Variants in AEN observed in about 807,000 individuals in gnomAD.
AEN encodes the protein apoptosis enhancing nuclease.
In AEN, 21 loss-of-function variants were observed where a neutral mutation model predicts 17.7. That is an observed-to-expected ratio of 1.19 (90% CI 0.84 to 1.71). AEN has a LOEUF of 1.71. Ranked by LOEUF, AEN falls within the 40% of genes most tolerant of loss-of-function variation. AEN has a pLI of 0.00. For synonymous variants in AEN, 190 were observed against 173.0 expected, an observed-to-expected ratio of 1.10 and a Z score of -0.77; for missense variants, 462 against 435.9, an observed-to-expected ratio of 1.06 and a Z score of -0.53.
At chr15:88,627,881 C>T (rs1463378395) in intron 2 of AEN, 1 of 152,202 alleles carries the variant, frequency 6.6e-6, no homozygotes, top group Admixed American at 6.5e-5. Context: ...ATTTTCTAAA[C>T]AAGCCTTGTA....
chr15:88,606,969 A>AT, the AEN span, among the ~76,000 whole-genome samples: 1 of 151,602 alleles, frequency 6.6e-6, no homozygotes, highest in Admixed American at 6.6e-5. Context: ...AAAATGAGAA[A>AT]AAAAAATTGC....
the AEN span, among the ~76,000 whole-genome samples, chr15:88,606,161 G>A: frequency 7.2e-4 from 110 of 152,320 alleles, no homozygotes; most frequent in Non-Finnish European, 1.3e-3. Flanking sequence ...CCAGGCTCTG[G>A]TGTTCCGTGA....
upstream of AEN, among the ~76,000 whole-genome samples, chr15:88,617,376 C>A (rs1326674268): frequency 1.3e-5 from 2 of 152,148 alleles, no homozygotes; most frequent in African/African-American, 4.8e-5. Flanking sequence ...GCCTCAGCCT[C>A]CTGAGTAGCT....
chr15:88,630,148 G>T lies in AEN; in HGVS notation c.832G>T (p.Ala278Ser). The part of the protein sequence containing the change: ...LVEVQWEQQE[A>S]RSLWTCPEDR... ...GGAGGTGCAGTGGGAACAGCAGGAGGCCCGCAGCCTCTGGACCTGCCCCGA... is the reference window on the plus strand; with the variant it reads ...GGAGGTGCAGTGGGAACAGCAGGAGTCCCGCAGCCTCTGGACCTGCCCCGA... Residue 278 changes from alanine to serine, a missense_variant, in exon 4 of 4, where the codon GCC becomes TCC. By Grantham distance (99) the Ala-to-Ser change is moderately conservative. Coordinates refer to ENST00000332810, the MANE Select transcript of AEN (RefSeq NM_022767.4). The surrounding 1 kb of genome is among the most constrained non-coding windows in gnomAD (Gnocchi z 5.1). 6.2e-7 allele frequency: 1 copy of T among 1,613,740 alleles called. No homozygotes were observed. Among genetic ancestry groups the T allele is most frequent in the South Asian group, 1.1e-5 (1 of 91,078 alleles).
Position 88,630,012 on chromosome 15 carries a change from C to G in AEN, c.742-46C>G, listed in dbSNP as rs199529783. 1.9e-6 allele frequency: 3 copies of G among 1,592,984 alleles called. No homozygotes were observed. The East Asian group carries it at 6.7e-5, about 36-fold the overall frequency. ...GGCCTTGCTTCTTGGGGTAACAGGC[C>G]TCTCACTAGGCCTGCAGGCAGTGAT... On this transcript the variant is annotated intron_variant, in intron 3 of 3. Transcript: ENST00000332810. The surrounding 1 kb of genome is among the most constrained non-coding windows in gnomAD (Gnocchi z 5.1).
intron 2 of AEN, chr15:88,627,061 T>G (rs1230623846): frequency 9.1e-6 from 3 of 330,342 alleles, no homozygotes; most frequent in African/African-American, 2.1e-5. Flanking sequence ...ATATAAAATT[T>G]GTAAAGCCCA....
chr15:88,629,789 G>C (rs1386175147), intron 3 of AEN, among the ~76,000 whole-genome samples: 1 of 152,168 alleles, frequency 6.6e-6, no homozygotes, highest in Non-Finnish European at 1.5e-5. Flanking sequence ...TCTTGCTCCT[G>C]TTGGGCTTCA....
chr15:88,611,359 G>A, the AEN span, among the ~76,000 whole-genome samples: 1 of 151,442 alleles, frequency 6.6e-6, no homozygotes, highest in Non-Finnish European at 1.5e-5. Context: ...ACTTTGAGAG[G>A]CTGAGGCAGG....
chr15:88,625,127 T>C (rs777334097), intron 1 of AEN, among the ~76,000 whole-genome samples: 8 of 152,154 alleles, frequency 5.3e-5, no homozygotes, highest in Admixed American at 1.3e-4. Flanking sequence ...GTCCGCTGGG[T>C]GGGAGCCCAT....
chr15:88,625,415 G>A (rs1330315321), intron 1 of AEN, among the ~76,000 whole-genome samples: 1 of 152,152 alleles, frequency 6.6e-6, no homozygotes, highest in Non-Finnish European at 1.5e-5. Flanking sequence ...CTACCCAGGA[G>A]GCTGAGGTGG....
At chr15:88,611,006 C>A in the AEN span, among the ~76,000 whole-genome samples, 1 of 152,158 alleles carries the variant, frequency 6.6e-6, no homozygotes, top group Admixed American at 6.5e-5. Flanking sequence ...CAGGATTCCA[C>A]CAGCCTCCTG....
At chr15:88,616,280 G>A in the AEN span, among the ~76,000 whole-genome samples, 1 of 152,250 alleles carries the variant, frequency 6.6e-6, no homozygotes, top group African/African-American at 2.4e-5. Flanking sequence ...TTTTAGTAGA[G>A]ATGGAGTTTC....
rs779634767 is a variant in AEN, at chr15:88,626,417, G to A, written c.208G>A (p.Ala70Thr). 5 of 1,612,816 alleles carry A rather than the reference G, an allele frequency of 3.1e-6. No homozygotes were observed. The highest frequency in any genetic ancestry group is 1.7e-5 in the Admixed American group (1 of 59,846). The change falls in exon 2 of 4, where the codon GCA becomes ACA. Residue 70 changes from alanine to threonine, a missense_variant. Ala to Thr is a moderately conservative substitution (Grantham distance 58). Transcript: ENST00000332810. ...GSSPLPTPFGAATATEAASSG... is the reference protein window; with the variant it reads ...GSSPLPTPFGTATATEAASSG... ...CTCCCCACTGCCCACCCCTTTCGGG[G>A]CAGCGACAGCAACTGAAGCTGCCAG...
the AEN span, chr15:88,608,047 T>C: frequency 2.0e-6 from 1 of 489,270 alleles, no homozygotes; most frequent in Non-Finnish European, 4.4e-6. Context: ...TTATTCACTT[T>C]CTGCTTATTT....
At chr15:88,613,342 G>T in the AEN span, among the ~76,000 whole-genome samples, 1 of 152,068 alleles carries the variant, frequency 6.6e-6, no homozygotes, top group Admixed American at 6.5e-5. Flanking sequence ...TCCTAACCCT[G>T]CCTGAAGCCA....
intron 1 of AEN, among the ~76,000 whole-genome samples, chr15:88,622,757 G>A (rs2034349996): frequency 1.3e-5 from 2 of 152,066 alleles, no homozygotes; most frequent in South Asian, 4.1e-4. Context: ...GCCTGGTTTT[G>A]GGTCTGGTTT....
At chr15:88,619,309 A>T (rs2057762441), upstream of AEN, among the ~76,000 whole-genome samples, 1 of 148,238 alleles carries the variant, frequency 6.7e-6, no homozygotes, top group Non-Finnish European at 1.5e-5. Context: ...GTTACACATG[A>T]GGAGAGGGAA....
At chr15:88,606,916 G>A in the AEN span, among the ~76,000 whole-genome samples, 53 of 151,664 alleles carry the variant, frequency 3.5e-4, 3 homozygotes, top group East Asian at 3.5e-3. Flanking sequence ...CCTTTATACT[G>A]AAGGAGCTGA....
At chr15:88,615,288 C>A in the AEN span, among the ~76,000 whole-genome samples, 1 of 152,134 alleles carries the variant, frequency 6.6e-6, no homozygotes, top group Non-Finnish European at 1.5e-5. Context: ...GAATAAAACT[C>A]CCCTCGATCA....
Sources: gnomAD v4.1 joint callset for allele counts (sites outside exome capture counted in the v4.1 genomes callset) on GRCh38, gnomAD v4.1.1 for gene constraint, Gnocchi (gnomAD v3.1) non-coding constraint, MANE v1.5 for transcripts, NCBI Gene and HGNC (gene_info 2026-07-23, HGNC 2026-07-21) for gene names.